Variants in VRK3 observed in about 807,000 individuals in gnomAD.
The protein encoded by VRK3 is serine/threonine-protein kinase VRK3.
Under a neutral mutation model 60.4 loss-of-function variants are expected in VRK3, and 50 were observed. The observed-to-expected ratio is 0.83, with a 90% CI of 0.66 to 1.05. The LOEUF is 1.05. Ranked by LOEUF, VRK3 falls within the 50% of genes least tolerant of loss-of-function variation. The pLI is 0.00. For missense variants in VRK3, 549 were observed against 585.3 expected, an observed-to-expected ratio of 0.94 and a Z score of 0.64; for synonymous variants, 246 against 227.8, an observed-to-expected ratio of 1.08 and a Z score of -0.72.
intron 14 of VRK3, among the ~76,000 whole-genome samples, 172 bp from the exon 15 acceptor site, chr19:49,976,956 G>C (rs10407710): frequency 0.01 from 1,568 of 152,296 alleles, 21 homozygotes; most frequent in African/African-American, 0.036. Flanking sequence ...GGATGAGGAG[G>C]AGGCGGGTGG....
intron 6 of VRK3, chr19:49,997,813 T>C: frequency 2.4e-6 from 1 of 421,944 alleles, no homozygotes; most frequent in Admixed American, 4.0e-5. Flanking sequence ...GAATGTAGCC[T>C]TCAGCATAAA....
intron 12 of VRK3, among the ~76,000 whole-genome samples, chr19:49,984,261 C>A (rs1044637714): frequency 6.6e-6 from 1 of 152,166 alleles, no homozygotes; most frequent in Non-Finnish European, 1.5e-5. Context: ...TCCAGCACAG[C>A]CACTGGCCTC....
At chr19:49,978,353 C>T (rs937091799) in intron 14 of VRK3, among the ~76,000 whole-genome samples, 2 of 152,230 alleles carry the variant, frequency 1.3e-5, no homozygotes, top group African/African-American at 4.8e-5. Context: ...CTTCAGCACA[C>T]ATCTCTGCAC....
chr19:50,015,976 T>A (rs776808413), intron 3 of VRK3, 48 bp downstream of exon 3: 4 of 1,613,112 alleles, frequency 2.5e-6, no homozygotes, highest in Non-Finnish European at 3.4e-6. Flanking sequence ...CACACGTGTA[T>A]GCACCTTATT....
chr19:50,022,936 T>C (rs2077194209), intron 1 of VRK3, among the ~76,000 whole-genome samples: 2 of 151,882 alleles, frequency 1.3e-5, no homozygotes, highest in African/African-American at 4.9e-5. Flanking sequence ...ATCTGCCACT[T>C]CCCTGTTCCC....
rs766478278 is a variant in VRK3, at chr19:49,994,866, C to G, written c.818G>C (p.Ser273Thr). The stretch of plus-strand genomic sequence containing the variant: ...CCTCTCTGACAGCACATGCTTTGGG[C>G]TGACATCCAGGGCCGACTGAAGGCT... ...GRSLQSALDV[S>T]PKHVLSERSV... Residue 273 changes from serine to threonine, a missense_variant, in exon 9 of 15, where the codon AGC becomes ACC. Transcript: ENST00000316763. The G allele has an allele frequency of 1.9e-6, 3 of 1,614,172 alleles. No individual in the cohort carries two copies. The highest frequency in any genetic ancestry group is 2.2e-5 in the South Asian group (2 of 91,070).
intron 2 of VRK3, among the ~76,000 whole-genome samples, chr19:50,018,219 C>T (rs73935147): frequency 0.053 from 7,981 of 151,694 alleles, 692 homozygotes; most frequent in African/African-American, 0.18. Context: ...ATATGAGGTG[C>T]TGAGAACAGG....
chr19:50,014,093 C>G lies in VRK3; in HGVS notation c.139+1931G>C, dbSNP rs1038507647. Among the ~76,000 whole-genome samples, 15 of 152,108 alleles carry G rather than the reference C, an allele frequency of 9.9e-5. No homozygotes were observed. In the South Asian group the frequency reaches 1.5e-3, roughly 15 times the overall value. On this transcript the variant is annotated intron_variant, in intron 3 of 14. Coordinates refer to ENST00000316763, the MANE Select transcript of VRK3 (RefSeq NM_016440.4). ...ACCAGCCTGGCCAACGTGGTGAAAC[C>G]CCATCTCTACTGAAAATATAAAAAT...
At chr19:49,996,047 G>C (rs949032880) in intron 7 of VRK3, among the ~76,000 whole-genome samples, 1 of 151,830 alleles carries the variant, frequency 6.6e-6, no homozygotes, top group Non-Finnish European at 1.5e-5. Flanking sequence ...TCAGCCTCCC[G>C]AGTAGCTGGG....
At chr19:49,978,027 G>A (rs205338) in intron 14 of VRK3, among the ~76,000 whole-genome samples, 8,120 of 152,242 alleles carry the variant, frequency 0.053, 717 homozygotes, top group African/African-American at 0.19. Flanking sequence ...TCGCTGCGCC[G>A]GGAGACAGGC....
At chr19:50,000,967 T>C (rs535097864) in intron 5 of VRK3, 113 bp from the exon 6 acceptor site, 2 of 922,470 alleles carry the variant, frequency 2.2e-6, no homozygotes, top group African/African-American at 1.7e-5. Flanking sequence ...TCCAACAAGG[T>C]CAAGCGCACT....
chr19:50,024,158 G>A (rs1477095451), intron 1 of VRK3, among the ~76,000 whole-genome samples: 25 of 152,190 alleles, frequency 1.6e-4, no homozygotes, highest in Admixed American at 1.5e-3. Flanking sequence ...GGCTGGTCTC[G>A]AACTCCTGAA....
At chr19:49,994,384 G>T (rs187083309) in intron 9 of VRK3, among the ~76,000 whole-genome samples, 1 of 152,126 alleles carries the variant, frequency 6.6e-6, no homozygotes, top group African/African-American at 2.4e-5. Flanking sequence ...TATTTAATGG[G>T]GATGAATGAA....
At chr19:50,010,503 G>A (rs2076976569) in intron 3 of VRK3, among the ~76,000 whole-genome samples, 1 of 152,236 alleles carries the variant, frequency 6.6e-6, no homozygotes, top group African/African-American at 2.4e-5. Flanking sequence ...CAGGCAGGGA[G>A]TGGTACCCAC....
intron 6 of VRK3, chr19:50,000,143 T>TA (rs1339609977): frequency 6.6e-6 from 1 of 152,150 alleles, no homozygotes; most frequent in African/African-American, 2.4e-5. Flanking sequence ...AAAAAGAAAA[T>TA]AAGAGTCACC....
Position 49,994,980 on chromosome 19 carries a change from G to A in VRK3, c.765-61C>T. On this transcript the variant is annotated intron_variant, in intron 8 of 14. Coordinates refer to ENST00000316763, the MANE Select transcript of VRK3 (RefSeq NM_016440.4). ...AACAGGGGAGAGAGGAGTACCGGCC[G>A]CCAAGGATGGACTGTTGCGTGGGCT... The A allele has an allele frequency of 5.3e-6, 8 of 1,499,874 alleles. 1 individual carries two copies. The highest frequency in any genetic ancestry group is 2.4e-5 in the South Asian group (2 of 84,254). 92.9% of individuals were successfully genotyped at this position (1,499,874 alleles called of 1,614,324 possible). A position where few individuals can be genotyped will look rare whatever the true frequency, so the allele number is the denominator to read the frequency against.
intron 11 of VRK3, 95 bp downstream of exon 11, chr19:49,989,535 CCTCTCCTGT>C: frequency 3.5e-6 from 5 of 1,436,106 alleles, no homozygotes; most frequent in Non-Finnish European, 4.6e-6. Context: ...GCCCTTAGTG[CCTCTCCTGT>C]CTGGCCACCT....
Position 49,989,727 on chromosome 19 carries a change from A to C in VRK3, c.1008T>G (p.Ser336Arg). The C allele has an allele frequency of 6.2e-7, 1 of 1,613,790 alleles. No homozygotes were observed. The highest frequency in any genetic ancestry group is 8.5e-7 in the Non-Finnish European group (1 of 1,179,764). The part of the protein sequence containing the change: ...GYGFAFRYCP[S>R]GKHVAYVEGS... Reference sequence around the variant, plus strand: ...CTTCCACGTAGGCCACGTGTTTGCCACTTGGGCAATAGCGGAAGGCGAAGC... The same window carrying C: ...CTTCCACGTAGGCCACGTGTTTGCCCCTTGGGCAATAGCGGAAGGCGAAGC... The change falls in exon 11 of 15, where the codon AGT (serine) becomes AGG (arginine). Residue 336 changes from serine (S) to arginine (R), a missense_variant. Ser to Arg is a moderately radical substitution (Grantham distance 110, BLOSUM62 -1). Coordinates refer to ENST00000316763, the MANE Select transcript of VRK3 (RefSeq NM_016440.4).
rs750208009 is a variant in VRK3, at chr19:50,016,126, G to A, written c.37C>T (p.Gln13Ter). ...TAGGGGCAGAATTTGAATGCCGCTT[G>A]GATACTTTTGCCACAGTCTGGACAG... ...SFCPDCGKSI[Q>*]AAFKFCPYCG... The change falls in exon 3 of 15, where the codon CAA (glutamine) becomes TAA (stop). Residue 13 changes from glutamine (Q) to a stop codon, truncating the protein, a stop_gained. Coordinates refer to ENST00000316763, the MANE Select transcript of VRK3 (RefSeq NM_016440.4). LOFTEE classifies it high-confidence loss of function. 3.7e-6 allele frequency: 6 copies of A among 1,614,202 alleles called. No homozygotes were observed. Among genetic ancestry groups the A allele is most frequent in the Non-Finnish European group, 5.1e-6 (6 of 1,180,042 alleles).
Sources: gnomAD v4.1 joint callset for allele counts (sites outside exome capture counted in the v4.1 genomes callset) on GRCh38, gnomAD v4.1.1 for gene constraint, MANE v1.5 for transcripts, NCBI Gene and HGNC (gene_info 2026-07-23, HGNC 2026-07-21) for gene names.